Variants in PHLPP2 observed in about 807,000 individuals in gnomAD.
The protein encoded by PHLPP2 is PH domain and leucine rich repeat protein phosphatase 2, also known as PH domain leucine-rich repeat-containing protein phosphatase 2.
PHLPP2 carries 66 observed loss-of-function variants against 124.9 expected under a neutral mutation model. The observed-to-expected ratio is 0.53, with a 90% CI of 0.43 to 0.65. The LOEUF (loss-of-function observed/expected upper bound fraction) is 0.65. PHLPP2 is among the 30% of genes least tolerant of loss of function. PHLPP2 has a pLI of 0.00. For missense variants in PHLPP2, 1,685 were observed against 1,600.4 expected (o/e 1.05, Z -0.90); for synonymous variants, 681 against 624.7 (o/e 1.09, Z -1.34).
In PHLPP2 at chr16:71,702,662, A is replaced by C; in HGVS notation, c.354T>G (p.Asp118Glu). ...YDYLSRLGFD[D>E]PVRIQEEATN... ...TAGCCTCCTCCTGTATGCGCACAGG[A>C]TCATCAAATCCCAGCCTGGATAAGT... Residue 118 changes from aspartate (D) to glutamate (E), a missense_variant, in exon 3 of 19, where the codon GAT (aspartate) becomes GAG (glutamate). By Grantham distance (45) the Asp-to-Glu change is conservative. Transcript: ENST00000568954. The C allele has an allele frequency of 1.9e-6, 3 of 1,611,168 alleles. No homozygotes were observed. The highest frequency in any genetic ancestry group is 2.5e-6 in the Non-Finnish European group (3 of 1,178,738).
At chr16:71,666,747 G>A (rs374477593) in intron 12 of PHLPP2, among the ~76,000 whole-genome samples, 17 of 152,332 alleles carry the variant, frequency 1.1e-4, no homozygotes, top group Admixed American at 9.2e-4. Context: ...CATAAAGACT[G>A]TAATTCAAAG....
chr16:71,683,645 A>G (rs765208634), intron 5 of PHLPP2, among the ~76,000 whole-genome samples: 2 of 152,246 alleles, frequency 1.3e-5, no homozygotes, highest in Non-Finnish European at 2.9e-5. Context: ...AACATTTTTG[A>G]CAGCATTTTG....
chr16:71,690,739 C>A (rs1308733945), intron 3 of PHLPP2, 30 bp from the exon 4 acceptor site: 2 of 1,453,334 alleles, frequency 1.4e-6, no homozygotes, highest in South Asian at 2.4e-5. Context: ...TCAGAATCCA[C>A]CATTAAAGTA....
intron 16 of PHLPP2, 75 bp from the exon 17 acceptor site, chr16:71,655,509 T>C: frequency 1.7e-6 from 2 of 1,181,320 alleles, no homozygotes; most frequent in Non-Finnish European, 2.4e-6. Context: ...CATTCTTTTT[T>C]TTTTTTTTTT....
chr16:71,707,193 G>A (rs1249669435), intron 2 of PHLPP2, among the ~76,000 whole-genome samples: 1 of 151,722 alleles, frequency 6.6e-6, no homozygotes. Context: ...CTGACCTCGT[G>A]ATCCGCCCGC....
intron 3 of PHLPP2, among the ~76,000 whole-genome samples, chr16:71,697,523 CA>C (rs2045185152): frequency 6.6e-6 from 1 of 152,200 alleles, no homozygotes; most frequent in African/African-American, 2.4e-5. Flanking sequence ...TATTGCCACA[CA>C]TTTCAAAATA....
rs369864106 is a variant in PHLPP2 at position 71,675,474 on chromosome 16, C to A, written c.1471+973G>T. 9.2e-5 allele frequency among the ~76,000 whole-genome samples: 14 copies of A among 152,254 alleles called. No individual in the cohort carries two copies. The South Asian group carries it at 2.9e-3, about 32-fold the overall frequency. ...GTGGCTTCTCATTCTAGCACTGAGGCTACACAAGCTTTTAAACCACGAATT... is the reference window on the plus strand; with the variant it reads ...GTGGCTTCTCATTCTAGCACTGAGGATACACAAGCTTTTAAACCACGAATT... On this transcript the variant is annotated intron_variant, in intron 9 of 18. Coordinates refer to ENST00000568954, the MANE Select transcript of PHLPP2 (RefSeq NM_015020.3).
intron 14 of PHLPP2, 117 bp downstream of exon 14, chr16:71,658,536 C>T (rs527656387): frequency 5.5e-6 from 7 of 1,261,576 alleles, no homozygotes; most frequent in African/African-American, 4.5e-5. Flanking sequence ...TAATATTTTT[C>T]CTTATAAGAA....
In PHLPP2 at chr16:71,717,045, T is replaced by C. The variant is rs559945734; in HGVS notation, c.-6-2244A>G. ...ATCACAGAAACCTATTCCCAATCTG[T>C]ACCTTAGTCCAATTAGCTCTGGCAA... On this transcript the variant is annotated intron_variant, in intron 1 of 18. Coordinates refer to ENST00000568954, the MANE Select transcript of PHLPP2 (RefSeq NM_015020.3). Among the ~76,000 whole-genome samples the C allele has an allele frequency of 3.3e-5, 5 of 152,266 alleles. No individual in the cohort carries two copies. In the South Asian group the frequency reaches 1.0e-3, roughly 32 times the overall value.
Position 71,714,514 on chromosome 16 carries a change from G to T in PHLPP2, c.282C>A (p.Val94=). ...GAGTGGTAAAACTGAGACCTCACCTGACCAGGTCTCCATGAAGCTGTAAAT... is the reference window on the plus strand; with the variant it reads ...GAGTGGTAAAACTGAGACCTCACCTTACCAGGTCTCCATGAAGCTGTAAAT... ...SLYLQLHGDL[V]RRLEPTERPL... is the part of the protein sequence containing the mutation. Residue 94 remains valine, a splice_region_variant and synonymous_variant, in exon 2 of 19, where the codon GTC becomes GTA. Transcript: ENST00000568954. 6.2e-7 allele frequency: 1 copy of T among 1,604,632 alleles called. No individual in the cohort carries two copies. Among genetic ancestry groups the T allele is most frequent in the South Asian group, 1.1e-5 (1 of 89,796 alleles).
rs771052762 is a variant in PHLPP2 at position 71,664,098 on chromosome 16, G to T, written c.1786C>A (p.Leu596Ile). 4.4e-6 allele frequency: 7 copies of T among 1,604,224 alleles called. No individual in the cohort carries two copies. The South Asian group carries it at 7.7e-5, about 18-fold the overall frequency. Reference protein sequence around the residue: ...PDTLFSKALNLRYLNASANSL... With the variant: ...PDTLFSKALNIRYLNASANSL... Reference sequence around the variant, plus strand: ...TTTGCAGATGCATTCAAGTATCTGAGACTGACAGAACACACACAGATCATC... The same window carrying T: ...TTTGCAGATGCATTCAAGTATCTGATACTGACAGAACACACACAGATCATC... Residue 596 changes from leucine (L) to isoleucine (I), a missense_variant and splice_region_variant, in exon 13 of 19, where the codon CTC becomes ATC. By Grantham distance (5) the Leu-to-Ile change is conservative. Coordinates refer to ENST00000568954, the MANE Select transcript of PHLPP2 (RefSeq NM_015020.3).
At position 71,675,714 on chromosome 16, in the gene PHLPP2, ATTC is replaced by A. The variant is rs569979994; in HGVS notation, c.1471+730_1471+732del. Among the ~76,000 whole-genome samples, 212 of 152,204 alleles carry A rather than the reference ATTC, an allele frequency of 1.4e-3. 2 individuals carry two copies. Among genetic ancestry groups the A allele is most frequent in the African/African-American group, 4.8e-3 (201 of 41,536 alleles). ...CATAGTAATTTTCACATGTCACAAA[ATTC>A]TTCTTTCTTTTTTTGAGATGGGGTC... On this transcript the variant is annotated intron_variant, in intron 9 of 18. Transcript: ENST00000568954.
intron 4 of PHLPP2, among the ~76,000 whole-genome samples, chr16:71,688,435 T>C (rs1377771904): frequency 2.6e-5 from 4 of 152,202 alleles, no homozygotes; most frequent in Non-Finnish European, 5.9e-5. Flanking sequence ...TAGGCAGATA[T>C]TCTTATTTCT....
chr16:71,719,664 G>C (rs1449686685), intron 1 of PHLPP2, among the ~76,000 whole-genome samples: 1 of 150,054 alleles, frequency 6.7e-6, no homozygotes, highest in African/African-American at 2.5e-5. Context: ...TTGTAACTTC[G>C]TATCTTCTAT....
In PHLPP2 at chr16:71,655,495, G is replaced by T; in HGVS notation, c.2391-61C>A. On this transcript the variant is annotated intron_variant, in intron 16 of 18. Coordinates refer to ENST00000568954, the MANE Select transcript of PHLPP2 (RefSeq NM_015020.3). ...TTACTGGTAAAATATTATTCTCCAGGGAGCATTCTTTTTTTTTTTTTTTTT... is the reference window on the plus strand; with the variant it reads ...TTACTGGTAAAATATTATTCTCCAGTGAGCATTCTTTTTTTTTTTTTTTTT... The T allele has an allele frequency of 3.1e-6, 4 of 1,290,362 alleles. No homozygotes were observed. The Admixed American group carries it at 8.5e-5, about 28-fold the overall frequency. The allele number at this position is 1,290,362 out of a possible 1,614,324, so 79.9% of individuals were successfully genotyped here. A position where few individuals can be genotyped will look rare whatever the true frequency, so the allele number is the denominator to read the frequency against.
chr16:71,692,416 G>A (rs1039370231), intron 3 of PHLPP2, among the ~76,000 whole-genome samples: 1 of 151,986 alleles, frequency 6.6e-6, no homozygotes, highest in African/African-American at 2.4e-5. Context: ...TTTAAATTAG[G>A]TATCACTTTG....
chr16:71,688,167 T>A (rs1247445340), intron 4 of PHLPP2, among the ~76,000 whole-genome samples: 1 of 152,228 alleles, frequency 6.6e-6, no homozygotes, highest in Non-Finnish European at 1.5e-5. Flanking sequence ...TAAAAGTCTA[T>A]CCCATTTTAA....
At chr16:71,703,904 T>G (rs1238776348) in intron 2 of PHLPP2, among the ~76,000 whole-genome samples, 2 of 152,190 alleles carry the variant, frequency 1.3e-5, no homozygotes, top group African/African-American at 4.8e-5. Context: ...TTGGAATCAA[T>G]TTTAGAATAA....
chr16:71,706,107 C>T (rs1406069433), intron 2 of PHLPP2, among the ~76,000 whole-genome samples: 1 of 152,152 alleles, frequency 6.6e-6, no homozygotes, highest in African/African-American at 2.4e-5. Flanking sequence ...GTAATACTGG[C>T]AACAAAAAGT....
Sources: gnomAD v4.1 joint callset for allele counts (sites outside exome capture counted in the v4.1 genomes callset) on GRCh38, gnomAD v4.1.1 for gene constraint, MANE v1.5 for transcripts, NCBI Gene and HGNC (gene_info 2026-07-23, HGNC 2026-07-21) for gene names.